Variants in EPHA5 observed in about 807,000 individuals in gnomAD.
The protein encoded by EPHA5 is EPH receptor A5.
A neutral mutation model predicts 105.0 loss-of-function variants in EPHA5; 60 were observed. That is an observed-to-expected ratio of 0.57 (90% CI 0.46 to 0.71). The LOEUF (loss-of-function observed/expected upper bound fraction) is 0.71. Ranked by LOEUF, EPHA5 falls within the 30% of genes least tolerant of loss-of-function variation. The pLI, the probability that EPHA5 is intolerant of heterozygous loss-of-function variation, is 0.00. For missense variants in EPHA5, 1,218 were observed against 1,274.7 expected, an observed-to-expected ratio of 0.96 and a Z score of 0.68; for synonymous variants, 513 against 449.1, an observed-to-expected ratio of 1.14 and a Z score of -1.80.
At chr4:65,382,650 C>T (rs184270966) in intron 8 of EPHA5, among the ~76,000 whole-genome samples, 1 of 151,826 alleles carries the variant, frequency 6.6e-6, no homozygotes, top group Admixed American at 6.6e-5. Flanking sequence ...ACAGTGGTTC[C>T]AAACCTGGCT....
chr4:65,546,491 C>G (rs190311184), intron 3 of EPHA5, among the ~76,000 whole-genome samples: 2 of 151,880 alleles, frequency 1.3e-5, no homozygotes, highest in African/African-American at 4.8e-5. Context: ...CTATTAACAA[C>G]CTATTTTTCT....
At chr4:65,510,213 T>A (rs1443071812) in intron 3 of EPHA5, among the ~76,000 whole-genome samples, 1 of 151,420 alleles carries the variant, frequency 6.6e-6, no homozygotes, top group African/African-American at 2.4e-5. Context: ...TTTGTGTTTT[T>A]TTTTTTTTTT....
intron 5 of EPHA5, among the ~76,000 whole-genome samples, chr4:65,480,557 C>T (rs2149186208): frequency 6.6e-6 from 1 of 152,220 alleles, no homozygotes; most frequent in South Asian, 2.1e-4. Context: ...GAAGATGTTG[C>T]TGGTAGAAAT....
chr4:65,469,894 C>G lies in EPHA5; in HGVS notation c.1402+20483G>C, dbSNP rs560418043. 2.0e-5 allele frequency among the ~76,000 whole-genome samples: 3 copies of G among 151,880 alleles called. No individual in the cohort carries two copies. The South Asian group carries it at 6.2e-4, about 32-fold the overall frequency. ...AAAAACATGTATACACTACTGTGTG[C>G]GCACAAAAATTGTTAGAAGATAAAT... On this transcript the variant is annotated intron_variant, in intron 5 of 16. Transcript: ENST00000613740.
rs1750358030 is a variant in EPHA5, at chr4:65,670,421, G to C, written c.-679C>G. Reference sequence around the variant, plus strand: ...GCTGCTGCGGTTCCCGCTGCTCGGGGAGCAGGCGGTGTGTGCGCGGCTGCG... The same window carrying C: ...GCTGCTGCGGTTCCCGCTGCTCGGGCAGCAGGCGGTGTGTGCGCGGCTGCG... On this transcript the variant is annotated 5_prime_UTR_variant, in exon 1 of 17. Transcript: ENST00000613740. The C allele has an allele frequency of 4.3e-6, 1 of 233,568 alleles. No homozygotes were observed. Among genetic ancestry groups the C allele is most frequent in the Non-Finnish European group, 8.5e-6 (1 of 118,312 alleles). 14.5% of individuals were successfully genotyped at this position (233,568 alleles called of 1,614,324 possible). A position where few individuals can be genotyped will look rare whatever the true frequency, so the allele number is the denominator to read the frequency against.
At chr4:65,535,175 T>TA (rs1736175866) in intron 3 of EPHA5, among the ~76,000 whole-genome samples, 1 of 152,210 alleles carries the variant, frequency 6.6e-6, no homozygotes, top group Non-Finnish European at 1.5e-5. Context: ...TTTGTCTTTA[T>TA]AATTCACCAT....
chr4:65,624,703 C>G (rs1745985851), intron 2 of EPHA5, among the ~76,000 whole-genome samples: 1 of 152,130 alleles, frequency 6.6e-6, no homozygotes, highest in Non-Finnish European at 1.5e-5. Flanking sequence ...CAGATTCTAC[C>G]TGGTTACTAG....
At chr4:65,527,388 A>C (rs1167115753) in intron 3 of EPHA5, among the ~76,000 whole-genome samples, 1 of 152,272 alleles carries the variant, frequency 6.6e-6, no homozygotes, top group South Asian at 2.1e-4. Flanking sequence ...GTTTGAAACC[A>C]ACAAAACAAT....
At chr4:65,589,312 T>C (rs1378038694) in intron 3 of EPHA5, among the ~76,000 whole-genome samples, 1 of 152,084 alleles carries the variant, frequency 6.6e-6, no homozygotes, top group Non-Finnish European at 1.5e-5. Context: ...TTTTTTCACC[T>C]GAATAAAGAC....
intron 2 of EPHA5, among the ~76,000 whole-genome samples, chr4:65,632,535 CAA>C (rs35050180): frequency 5.5e-4 from 69 of 125,782 alleles, no homozygotes; most frequent in Middle Eastern, 5.0e-3. Context: ...CAATTTTCAG[CAA>C]AAAAAAAAAA....
chr4:65,324,032 C>CT lies in EPHA5; in HGVS notation c.*81_*82insA. 1.1e-6 allele frequency: 1 copy of CT among 898,228 alleles called. No individual in the cohort carries two copies. Among genetic ancestry groups the CT allele is most frequent in the Non-Finnish European group, 1.8e-6 (1 of 567,010 alleles). 55.6% of individuals were successfully genotyped at this position (898,228 alleles called of 1,614,324 possible). A position where few individuals can be genotyped will look rare whatever the true frequency, so the allele number is the denominator to read the frequency against. ...TTAGAAATCACTGTTTTCCCTTTTC[C>CT]CCCTTTTTTTGTTAAAATAAATCTC... On this transcript the variant is annotated 3_prime_UTR_variant, in exon 17 of 17. Transcript: ENST00000613740.
chr4:65,500,719 A>G (rs1285355256), intron 3 of EPHA5, among the ~76,000 whole-genome samples: 1 of 150,728 alleles, frequency 6.6e-6, no homozygotes, highest in Non-Finnish European at 1.5e-5. Context: ...CCCACCAAGA[A>G]AATGTTTTAA....
At chr4:65,573,378 T>A in intron 3 of EPHA5, 5 of 841,298 alleles carry the variant, frequency 5.9e-6, no homozygotes, top group Non-Finnish European at 8.5e-6. Flanking sequence ...GCCACTGCAC[T>A]CCAGCCTGGG....
chr4:65,383,646 TAGA>T lies in EPHA5; in HGVS notation c.1794-16225_1794-16223del, dbSNP rs552796793. ...TCACTCTAGAGCGCATATCCTATTTTAGAAGACTTCAATAATGCCCTGGTCATA... is the reference window on the plus strand; with the variant it reads ...TCACTCTAGAGCGCATATCCTATTTTAGACTTCAATAATGCCCTGGTCATA... On this transcript the variant is annotated intron_variant, in intron 8 of 16. Coordinates refer to ENST00000613740, the MANE Select transcript of EPHA5 (RefSeq NM_001281766.3). 9.2e-5 allele frequency among the ~76,000 whole-genome samples: 14 copies of T among 152,042 alleles called. 1 individual carries two copies. The South Asian group carries it at 2.9e-3, about 31-fold the overall frequency.
At chr4:65,367,500 A>G (rs907638001) in intron 8 of EPHA5, 76 bp from the exon 9 acceptor site, 13 of 1,366,980 alleles carry the variant, frequency 9.5e-6, no homozygotes, top group Middle Eastern at 1.8e-4. Flanking sequence ...AGCATGAAGC[A>G]CAACTGAAAT....
rs890995626 is a variant in EPHA5, at chr4:65,322,677, A to T, written c.*1437T>A. The T allele has an allele frequency of 8.9e-6, 2 of 225,892 alleles. No homozygotes were observed. The highest frequency in any genetic ancestry group is 8.8e-6 in the Non-Finnish European group (1 of 113,436). The allele number at this position is 225,892 out of a possible 1,614,324, so 14.0% of individuals were successfully genotyped here. On this transcript the variant is annotated 3_prime_UTR_variant, in exon 17 of 17. Transcript: ENST00000613740. ...GTTATATTCCTTAATAAGCCTAATT[A>T]CATAATACCTTGGATTGGTTCAATA... is the stretch of plus-strand genomic sequence containing the variant.
At position 65,365,942 on chromosome 4, in the gene EPHA5, A is replaced by T. The variant is rs1362891809; in HGVS notation, c.1977T>A (p.Val659=). 1 of 1,606,576 alleles carries T rather than the reference A, an allele frequency of 6.2e-7. No homozygotes were observed. Among genetic ancestry groups the T allele is most frequent in the Admixed American group, 1.7e-5 (1 of 59,788 alleles). The change falls in exon 10 of 17, where the codon GTT becomes GTA. Residue 659 remains valine, a synonymous_variant. Transcript: ENST00000613740. The part of the protein sequence containing the change: ...IEASCITIER[V]IGAGEFGEVC... ...AACACATTGTCGTACCTGCTCCAAT[A>T]ACTCTCTCAATGGTGATACATGATG... is the stretch of plus-strand genomic sequence containing the variant.
Position 65,668,821 on chromosome 4 carries a change from G to A in EPHA5, c.181+741C>T, listed in dbSNP as rs569022507. On this transcript the variant is annotated intron_variant, in intron 1 of 16. Transcript: ENST00000613740. ...AAGACATGCCCAGGTGGGTTTTAGC[G>A]GCAACTTCCTAGCAGCGACACTCCC... 5.9e-5 allele frequency among the ~76,000 whole-genome samples: 9 copies of A among 152,036 alleles called. No individual in the cohort carries two copies. In the East Asian group the frequency reaches 1.4e-3, roughly 23 times the overall value.
intron 5 of EPHA5, among the ~76,000 whole-genome samples, chr4:65,436,168 C>T (rs758163524): frequency 6.6e-6 from 1 of 151,968 alleles, no homozygotes; most frequent in Non-Finnish European, 1.5e-5. Context: ...TCAGTTTGGA[C>T]ATATTCATCT....
Sources: gnomAD v4.1 joint callset for allele counts (sites outside exome capture counted in the v4.1 genomes callset) on GRCh38, gnomAD v4.1.1 for gene constraint, MANE v1.5 for transcripts, NCBI Gene and HGNC (gene_info 2026-07-23, HGNC 2026-07-21) for gene names.